Variants in INPP4B observed in about 807,000 individuals in gnomAD.
INPP4B encodes inositol polyphosphate-4-phosphatase type II B, also known as inositol polyphosphate 4-phosphatase type II.
In INPP4B, 55 loss-of-function variants were observed where a neutral mutation model predicts 122.5. The ratio of observed to expected loss-of-function variants is 0.45; its 90% CI spans 0.36 to 0.56. The LOEUF is 0.56. Ranked by LOEUF, INPP4B falls within the 20% of genes least tolerant of loss-of-function variation. The pLI is 0.00. For missense variants in INPP4B, 1,000 were observed against 1,097.7 expected (o/e 0.91, Z 1.26); for synonymous variants, 403 against 388.7 (o/e 1.04, Z -0.43).
intron 2 of INPP4B, among the ~76,000 whole-genome samples, chr4:142,656,291 G>T (rs1450862111): frequency 3.9e-5 from 6 of 152,134 alleles, no homozygotes. Context: ...TCATAGCTGG[G>T]AAACAGATAA....
At chr4:142,652,777 G>A (rs1425813972) in intron 2 of INPP4B, among the ~76,000 whole-genome samples, 3 of 152,136 alleles carry the variant, frequency 2.0e-5, no homozygotes, top group Admixed American at 1.3e-4. Flanking sequence ...TGTGAAAATA[G>A]CCATATTGCC....
intron 1 of INPP4B, among the ~76,000 whole-genome samples, chr4:142,731,263 A>T (rs1050109564): frequency 6.6e-6 from 1 of 152,174 alleles, no homozygotes; most frequent in African/African-American, 2.4e-5. Context: ...GAGAAATATG[A>T]TATGACATTA....
chr4:142,041,339 C>T (rs1845971), intron 25 of INPP4B, among the ~76,000 whole-genome samples: 15,875 of 151,836 alleles, frequency 0.1, 1,522 homozygotes, highest in African/African-American at 0.26. Context: ...TCCCTTTTGC[C>T]AGGTACGGTG....
At chr4:142,156,900 G>A (rs1035978408) in intron 17 of INPP4B, among the ~76,000 whole-genome samples, 3 of 152,038 alleles carry the variant, frequency 2.0e-5, no homozygotes, top group African/African-American at 7.2e-5. Flanking sequence ...AGTTGTTCAA[G>A]TCAGGTAATT....
At chr4:142,784,174 C>A (rs1235934079) in intron 1 of INPP4B, among the ~76,000 whole-genome samples, 1 of 151,810 alleles carries the variant, frequency 6.6e-6, no homozygotes, top group African/African-American at 2.4e-5. Context: ...ACCAGCCTGG[C>A]CAACATGGTG....
At chr4:142,820,400 TG>T in intron 1 of INPP4B, among the ~76,000 whole-genome samples, 1 of 152,110 alleles carries the variant, frequency 6.6e-6, no homozygotes, top group African/African-American at 2.4e-5. Flanking sequence ...CCTCTTACCA[TG>T]TGATCTCTGC....
intron 7 of INPP4B, among the ~76,000 whole-genome samples, chr4:142,353,970 C>T (rs757378278): frequency 2.6e-5 from 4 of 151,702 alleles, no homozygotes; most frequent in Non-Finnish European, 4.4e-5. Context: ...AAATTTTGTT[C>T]AATAACTCTT....
chr4:142,649,517 G>T (rs1369697852), intron 2 of INPP4B, among the ~76,000 whole-genome samples: 2 of 152,072 alleles, frequency 1.3e-5, no homozygotes, highest in African/African-American at 4.8e-5. Context: ...ACAGTGTAGA[G>T]AAGACCTTAA....
At chr4:142,294,444 C>T (rs547263924) in intron 9 of INPP4B, among the ~76,000 whole-genome samples, 118 of 152,162 alleles carry the variant, frequency 7.8e-4, no homozygotes, top group African/African-American at 2.7e-3. Context: ...GAGACTATTA[C>T]CTCTCAATTC....
At chr4:142,029,205 C>CATAA in intron 25 of INPP4B, 3 of 1,065,912 alleles carry the variant, frequency 2.8e-6, no homozygotes, top group Non-Finnish European at 2.3e-6. Flanking sequence ...ACTTTAGTTT[C>CATAA]ATAAATATAT....
intron 15 of INPP4B, among the ~76,000 whole-genome samples, chr4:142,188,518 A>AAAAAAATATATATAT (rs1834267141): frequency 9.5e-6 from 1 of 105,096 alleles, no homozygotes; most frequent in Non-Finnish European, 1.9e-5. Context: ...AAAGAAAAAA[A>AAAAAAATATATATAT]ATATATATAG....
At position 142,253,892 on chromosome 4, in the gene INPP4B, T is replaced by A. The variant is rs13141038; in HGVS notation, c.688+6600A>T. On this transcript the variant is annotated intron_variant, in intron 11 of 25. Transcript: ENST00000262992. ...CCTGCCTGCCTCTGTAGGCTCCACC[T>A]CTGGGGGCAGGGCACAGACAAACAG... is the stretch of plus-strand genomic sequence containing the variant. Among the ~76,000 whole-genome samples the A allele has an allele frequency of 4.6e-3, 696 of 152,096 alleles. 6 individuals are homozygous for A. The highest frequency in any genetic ancestry group is 0.018 in the South Asian group (85 of 4,818).
chr4:142,756,585 G>C (rs1770552128), intron 1 of INPP4B, among the ~76,000 whole-genome samples: 1 of 151,978 alleles, frequency 6.6e-6, no homozygotes, highest in Admixed American at 6.6e-5. Flanking sequence ...TGTGGGCATA[G>C]ATTATTATAA....
At chr4:142,423,770 A>C in intron 5 of INPP4B, 1 of 428,168 alleles carries the variant, frequency 2.3e-6, no homozygotes, top group Non-Finnish European at 4.6e-6. Flanking sequence ...GAAAAAAAAC[A>C]GACCTTCTAC....
At chr4:142,472,644 C>T (rs1384072439) in intron 2 of INPP4B, among the ~76,000 whole-genome samples, 1 of 152,142 alleles carries the variant, frequency 6.6e-6, no homozygotes, top group Non-Finnish European at 1.5e-5. Context: ...GATTCTTATA[C>T]CTACTTGCAC....
At chr4:142,308,718 ATAAT>A (rs1399187810) in intron 8 of INPP4B, among the ~76,000 whole-genome samples, 2 of 151,576 alleles carry the variant, frequency 1.3e-5, no homozygotes, top group African/African-American at 2.4e-5. Context: ...ATAATTTAAG[ATAAT>A]TTATTTAATT....
At chr4:142,279,091 C>A (rs1416494940) in intron 9 of INPP4B, among the ~76,000 whole-genome samples, 1 of 151,796 alleles carries the variant, frequency 6.6e-6, no homozygotes, top group African/African-American at 2.4e-5. Context: ...GTGACTATAA[C>A]AAAATATATG....
At chr4:142,700,448 G>A (rs1398220913) in intron 2 of INPP4B, among the ~76,000 whole-genome samples, 1 of 152,002 alleles carries the variant, frequency 6.6e-6, no homozygotes, top group Non-Finnish European at 1.5e-5. Context: ...CAATCTATAG[G>A]AATTGAAGAT....
At chr4:142,102,322 C>T (rs939848169) in intron 23 of INPP4B, among the ~76,000 whole-genome samples, 2 of 151,950 alleles carry the variant, frequency 1.3e-5, no homozygotes, top group South Asian at 2.1e-4. Flanking sequence ...AACCTAAGTC[C>T]TTGACATGCA....
Sources: allele counts gnomAD v4.1 joint callset (sites outside exome capture counted in the v4.1 genomes callset), GRCh38; gene constraint gnomAD v4.1.1; transcripts MANE v1.5; gene names NCBI Gene and HGNC (gene_info 2026-07-23, HGNC 2026-07-21).